The following STAG1 variants were observed in gnomAD, a reference collection of about 807,000 sequenced individuals.
STAG1 encodes the protein cohesin subunit SA-1.
STAG1 carries 26 observed loss-of-function variants against 170.9 expected under a neutral mutation model. The ratio of observed to expected loss-of-function variants is 0.15; its 90% CI spans 0.11 to 0.21. STAG1 has a LOEUF of 0.21. Ranked by LOEUF, STAG1 falls within the 10% of genes least tolerant of loss-of-function variation. STAG1 has a pLI of 1.00. For synonymous variants in STAG1, 514 were observed against 497.7 expected (o/e 1.03, Z -0.44); for missense variants, 964 against 1,509.5 (o/e 0.64, Z 5.99).
At chr3:136,727,288 T>C (rs1055769282) in intron 1 of STAG1, among the ~76,000 whole-genome samples, 5 of 151,932 alleles carry the variant, frequency 3.3e-5, no homozygotes, top group Non-Finnish European at 7.4e-5. Context: ...CCAATCTCAT[T>C]CCCCATCTAT....
In STAG1 at chr3:136,502,769, G is replaced by C; in HGVS notation, c.687C>G (p.Leu229=). 1 of 1,599,056 alleles carries C rather than the reference G, an allele frequency of 6.3e-7. No individual in the cohort carries two copies. The highest frequency in any genetic ancestry group is 8.5e-7 in the Non-Finnish European group (1 of 1,174,284). ...RHTSTLAAMK[L]MTALVNVALN... ...AGGCAACATTCACCAGAGCAGTCAT[G>C]AGCTTCATGGCTATGAAATGAAGAA... The change falls in exon 8 of 34, where the codon CTC becomes CTG. Residue 229 remains leucine (L), a synonymous_variant. Transcript: ENST00000383202.
intron 5 of STAG1, among the ~76,000 whole-genome samples, chr3:136,556,870 A>G (rs1936645727): frequency 6.6e-6 from 1 of 152,144 alleles, no homozygotes; most frequent in South Asian, 2.1e-4. Flanking sequence ...GGTACGAGCC[A>G]CTGTGCTTGG....
intron 26 of STAG1, among the ~76,000 whole-genome samples, chr3:136,359,538 C>T (rs112803818): frequency 1.2e-3 from 177 of 152,194 alleles, no homozygotes; most frequent in African/African-American, 2.5e-3. Flanking sequence ...AATAAAAAAA[C>T]ACATTCTTTT....
intron 21 of STAG1, among the ~76,000 whole-genome samples, chr3:136,400,906 A>G (rs2087305690): frequency 6.6e-6 from 1 of 152,168 alleles, no homozygotes; most frequent in African/African-American, 2.4e-5. Flanking sequence ...AAATCTCTTT[A>G]ATGTCTGTCT....
chr3:136,588,457 CAGCCTTCCAAGT>C (rs966315887), intron 4 of STAG1, among the ~76,000 whole-genome samples: 9 of 152,118 alleles, frequency 5.9e-5, no homozygotes, highest in Admixed American at 2.0e-4. Context: ...CCTCCTGCCT[CAGCCTTCCAAGT>C]AGCCAGGATT....
intron 2 of STAG1, among the ~76,000 whole-genome samples, chr3:136,626,424 CAAA>C (rs755048196): frequency 1.3e-5 from 1 of 77,422 alleles, no homozygotes. Flanking sequence ...GACTACATCT[CAAA>C]AAAAAAAAAA....
At chr3:136,420,130 C>G (rs991773622) in intron 20 of STAG1, among the ~76,000 whole-genome samples, 2 of 150,904 alleles carry the variant, frequency 1.3e-5, no homozygotes, top group Admixed American at 1.3e-4. Context: ...ACCTGTGGTC[C>G]CAGCTACTCG....
intron 5 of STAG1, 49 bp downstream of exon 5, chr3:136,568,716 T>G (rs772826887): frequency 3.7e-6 from 5 of 1,360,800 alleles, no homozygotes; most frequent in African/African-American, 1.4e-5. Context: ...AAAGTCACAC[T>G]GCTGGACTGA....
At chr3:136,702,034 T>A (rs2107908634) in intron 1 of STAG1, among the ~76,000 whole-genome samples, 1 of 142,512 alleles carries the variant, frequency 7.0e-6, no homozygotes, top group South Asian at 2.2e-4. Flanking sequence ...TGCCACAGCC[T>A]CCCAAGTAGC....
intron 3 of STAG1, among the ~76,000 whole-genome samples, chr3:136,605,280 C>T (rs1938878716): frequency 1.3e-5 from 2 of 152,152 alleles, no homozygotes; most frequent in South Asian, 2.1e-4. Context: ...CATCCCCTCC[C>T]CCCAACTTTA....
intron 1 of STAG1, among the ~76,000 whole-genome samples, chr3:136,713,444 G>A (rs1009483783): frequency 3.3e-5 from 5 of 151,800 alleles, no homozygotes; most frequent in Non-Finnish European, 7.4e-5. Flanking sequence ...TTAGCCGGGC[G>A]TGGTGGTGCA....
In STAG1 at chr3:136,734,945, A is replaced by G. The variant is rs150346077; in HGVS notation, c.-84+17250T>C. 1.3e-3 allele frequency among the ~76,000 whole-genome samples: 194 copies of G among 152,320 alleles called. 1 individual carries two copies. Among genetic ancestry groups the G allele is most frequent in the African/African-American group, 4.3e-3 (179 of 41,570 alleles). On this transcript the variant is annotated intron_variant, in intron 1 of 33. Coordinates refer to ENST00000383202, the MANE Select transcript of STAG1 (RefSeq NM_005862.3). The stretch of plus-strand genomic sequence containing the variant: ...ATGATCTCACTTACATGTGGAATCT[A>G]AACACAGTGAACTCGTCCTCTCCAC...
At chr3:136,657,319 C>A (rs1576724342) in intron 1 of STAG1, among the ~76,000 whole-genome samples, 1 of 151,428 alleles carries the variant, frequency 6.6e-6, no homozygotes, top group Non-Finnish European at 1.5e-5. Flanking sequence ...GTCCCTCAGC[C>A]GCCCGAGTAG....
At chr3:136,710,385 G>C (rs1226811895) in intron 1 of STAG1, among the ~76,000 whole-genome samples, 2 of 151,920 alleles carry the variant, frequency 1.3e-5, no homozygotes, top group Non-Finnish European at 2.9e-5. Flanking sequence ...CCTGTATTCT[G>C]ATCCTTTTCT....
chr3:136,507,059 G>A (rs368522510), intron 7 of STAG1, among the ~76,000 whole-genome samples: 2 of 152,106 alleles, frequency 1.3e-5, no homozygotes, highest in Admixed American at 6.6e-5. Context: ...ACAAATCTAC[G>A]AAGGAAGTAC....
intron 13 of STAG1, among the ~76,000 whole-genome samples, chr3:136,463,762 T>TGTGTGC (rs1253106919): frequency 3.4e-5 from 3 of 88,120 alleles, no homozygotes; most frequent in African/African-American, 1.2e-4. Flanking sequence ...TGTGTGTGTG[T>TGTGTGC]GTGTGTATAC....
At chr3:136,600,496 T>C (rs895112214) in intron 4 of STAG1, among the ~76,000 whole-genome samples, 5 of 152,210 alleles carry the variant, frequency 3.3e-5, no homozygotes, top group African/African-American at 1.2e-4. Context: ...ACCTACTTTG[T>C]TTCTAAATCA....
intron 5 of STAG1, among the ~76,000 whole-genome samples, chr3:136,567,468 A>G (rs1251772711): frequency 6.6e-6 from 1 of 152,110 alleles, no homozygotes; most frequent in East Asian, 1.9e-4. Context: ...TCATCCTTCT[A>G]ACTTCCTTTT....
chr3:136,615,192 C>T (rs947105034), intron 3 of STAG1, among the ~76,000 whole-genome samples: 3 of 150,890 alleles, frequency 2.0e-5, no homozygotes, highest in Non-Finnish European at 2.9e-5. Context: ...GGTTCCAGAA[C>T]GAAAAAACAC....
Sources: gnomAD v4.1 joint callset for allele counts (sites outside exome capture counted in the v4.1 genomes callset) on GRCh38, gnomAD v4.1.1 for gene constraint, MANE v1.5 for transcripts, NCBI Gene and HGNC (gene_info 2026-07-23, HGNC 2026-07-21) for gene names.